PLXDC2: variants seen among roughly 807,000 people sequenced by gnomAD.
PLXDC2 encodes the protein plexin domain containing 2.
In PLXDC2, 40 loss-of-function variants were observed where a neutral mutation model predicts 68.9. That is an observed-to-expected ratio of 0.58 (90% CI 0.45 to 0.76). PLXDC2 has a LOEUF of 0.76. Among genes scored for constraint, PLXDC2 ranks in the 30% least tolerant of loss-of-function variants. The pLI is 0.00. For synonymous variants in PLXDC2, 243 were observed against 234.2 expected (o/e 1.04, Z -0.34); for missense variants, 644 against 661.9 (o/e 0.97, Z 0.30).
intron 1 of PLXDC2, among the ~76,000 whole-genome samples, chr10:19,954,618 A>T (rs545220972): frequency 6.6e-6 from 1 of 152,338 alleles, no homozygotes; most frequent in South Asian, 2.1e-4. Flanking sequence ...ATTTAAATGA[A>T]TTATTTCGGA....
At chr10:20,086,583 C>T (rs1311214771) in intron 4 of PLXDC2, among the ~76,000 whole-genome samples, 2 of 152,134 alleles carry the variant, frequency 1.3e-5, no homozygotes, top group Non-Finnish European at 2.9e-5. Flanking sequence ...GGGCGCCTCT[C>T]AGCTTCTTCC....
intron 13 of PLXDC2, among the ~76,000 whole-genome samples, chr10:20,271,016 G>T (rs976597705): frequency 2.0e-5 from 3 of 151,648 alleles, no homozygotes; most frequent in Non-Finnish European, 4.4e-5. Flanking sequence ...GGAACTAGTA[G>T]TAGAAGTTGA....
At chr10:20,063,531 A>G (rs373060524) in intron 3 of PLXDC2, among the ~76,000 whole-genome samples, 1 of 152,224 alleles carries the variant, frequency 6.6e-6, no homozygotes, top group East Asian at 1.9e-4. Flanking sequence ...CCACTGAGAA[A>G]TAGGCAAACA....
At chr10:20,169,891 C>T (rs1435103226) in intron 7 of PLXDC2, among the ~76,000 whole-genome samples, 2 of 152,142 alleles carry the variant, frequency 1.3e-5, no homozygotes, top group African/African-American at 2.4e-5. Flanking sequence ...TTAGAATATT[C>T]CTTTATTTTT....
intron 13 of PLXDC2, among the ~76,000 whole-genome samples, chr10:20,256,882 A>T (rs1235129262): frequency 6.6e-6 from 1 of 152,226 alleles, no homozygotes; most frequent in Non-Finnish European, 1.5e-5. Flanking sequence ...TCAAAAATTT[A>T]TCATATTTTT....
At chr10:20,210,070 A>G (rs1353468722) in intron 9 of PLXDC2, among the ~76,000 whole-genome samples, 1 of 152,234 alleles carries the variant, frequency 6.6e-6, no homozygotes. Context: ...CATAAAAGAG[A>G]CAAAAATTAA....
At chr10:20,042,701 T>A (rs1198197237) in intron 2 of PLXDC2, among the ~76,000 whole-genome samples, 1 of 152,154 alleles carries the variant, frequency 6.6e-6, no homozygotes, top group Non-Finnish European at 1.5e-5. Flanking sequence ...CCTCATAAAG[T>A]CAACACACCC....
chr10:20,172,195 C>T (rs535527495), intron 7 of PLXDC2, among the ~76,000 whole-genome samples: 54 of 123,754 alleles, frequency 4.4e-4, no homozygotes, highest in African/African-American at 1.6e-3. Context: ...ACACCCAATT[C>T]AATTTAATGA....
intron 3 of PLXDC2, among the ~76,000 whole-genome samples, chr10:20,049,153 A>G (rs527427008): frequency 6.6e-6 from 1 of 152,150 alleles, no homozygotes; most frequent in Non-Finnish European, 1.5e-5. Context: ...TATCAACAAA[A>G]TTCAACACCC....
chr10:19,988,484 G>A (rs899123714), intron 1 of PLXDC2, among the ~76,000 whole-genome samples: 1 of 151,918 alleles, frequency 6.6e-6, no homozygotes, highest in Admixed American at 6.6e-5. Context: ...TTAAGATTAG[G>A]TCTCAAGTTT....
rs991694241 is a variant in PLXDC2 at position 20,022,647 on chromosome 10, A to G, written c.324+20661A>G. On this transcript the variant is annotated intron_variant, in intron 2 of 13. Coordinates refer to ENST00000377252, the MANE Select transcript of PLXDC2 (RefSeq NM_032812.9). Reference sequence around the variant, plus strand: ...AACTCCCTCCTCTACACGCTTTGACACATTCAGTATGGGTCCTTTTGCTTG... The same window carrying G: ...AACTCCCTCCTCTACACGCTTTGACGCATTCAGTATGGGTCCTTTTGCTTG... 1.4e-4 allele frequency among the ~76,000 whole-genome samples: 21 copies of G among 152,252 alleles called. 1 individual carries two copies. The highest frequency in any genetic ancestry group is 5.1e-4 in the African/African-American group (21 of 41,542).
chr10:20,184,699 A>G (rs986969607), intron 9 of PLXDC2, among the ~76,000 whole-genome samples: 2 of 151,920 alleles, frequency 1.3e-5, no homozygotes, highest in Admixed American at 6.6e-5. Context: ...AACCTTTCCC[A>G]AATCACTAAT....
At chr10:19,984,046 T>A (rs17760230) in intron 1 of PLXDC2, among the ~76,000 whole-genome samples, 8,012 of 152,280 alleles carry the variant, frequency 0.053, 274 homozygotes, top group Middle Eastern at 0.092. Context: ...TGATGACATA[T>A]TCCCATGGGT....
chr10:20,182,387 A>G (rs1367121337), intron 9 of PLXDC2, among the ~76,000 whole-genome samples: 1 of 151,946 alleles, frequency 6.6e-6, no homozygotes, highest in East Asian at 1.9e-4. Context: ...CTTTCACTCA[A>G]CGTAACATTT....
At chr10:20,225,511 G>A (rs569214882) in intron 12 of PLXDC2, among the ~76,000 whole-genome samples, 24 of 152,114 alleles carry the variant, frequency 1.6e-4, no homozygotes, top group African/African-American at 5.8e-4. Context: ...TTAGTTTTAT[G>A]TTTGGTTTGT....
At chr10:20,040,750 T>C (rs530084070) in intron 2 of PLXDC2, among the ~76,000 whole-genome samples, 19 of 148,246 alleles carry the variant, frequency 1.3e-4, no homozygotes, top group African/African-American at 4.8e-4. Flanking sequence ...AAGCTTTCTT[T>C]CCAAATTTAT....
chr10:19,863,521 C>T (rs1020383213), intron 1 of PLXDC2, among the ~76,000 whole-genome samples: 4 of 152,150 alleles, frequency 2.6e-5, no homozygotes, highest in African/African-American at 9.7e-5. Flanking sequence ...TCAAACAGCC[C>T]TGCAGAAAGG....
chr10:19,908,762 A>G (rs1009274756), intron 1 of PLXDC2, among the ~76,000 whole-genome samples: 1 of 152,032 alleles, frequency 6.6e-6, no homozygotes, highest in Non-Finnish European at 1.5e-5. Context: ...TACATCACAC[A>G]GCAGTTCTTG....
intron 13 of PLXDC2, among the ~76,000 whole-genome samples, chr10:20,256,182 G>A (rs945781043): frequency 1.0e-4 from 15 of 150,702 alleles, no homozygotes; most frequent in Non-Finnish European, 4.4e-5. Flanking sequence ...GCCGAGGCTC[G>A]GGTACAGTGG....
Sources: gnomAD v4.1 joint callset for allele counts (sites outside exome capture counted in the v4.1 genomes callset) on GRCh38, gnomAD v4.1.1 for gene constraint, MANE v1.5 for transcripts, NCBI Gene and HGNC (gene_info 2026-07-23, HGNC 2026-07-21) for gene names.